The following MYOM1 variants were observed in gnomAD, a reference collection of about 807,000 sequenced individuals.
MYOM1 encodes myomesin-1.
A neutral mutation model predicts 205.3 loss-of-function variants in MYOM1; 164 were observed. The ratio of observed to expected loss-of-function variants is 0.80; its 90% CI spans 0.70 to 0.91. MYOM1 has a LOEUF of 0.91. Among genes scored for constraint, MYOM1 ranks in the 40% least tolerant of loss-of-function variants. The probability of loss-of-function intolerance (pLI) is 0.00; values close to 1 mark genes in which losing one functional copy is unlikely to be tolerated. For missense variants in MYOM1, 2,011 were observed against 2,127.3 expected (o/e 0.95, Z 1.08); for synonymous variants, 772 against 789.4 (o/e 0.98, Z 0.37).
rs550722080 is a variant in MYOM1, at chr18:3,161,091, CCTGGTGATTTGG to C, written c.1501+3175_1501+3186del. Among the ~76,000 whole-genome samples the C allele has an allele frequency of 8.9e-4, 136 of 152,276 alleles. 1 individual carries two copies. The South Asian group carries it at 0.023, about 26-fold the overall frequency. On this transcript the variant is annotated intron_variant, in intron 10 of 37. Coordinates refer to ENST00000356443, the MANE Select transcript of MYOM1 (RefSeq NM_003803.4). Reference sequence around the variant, plus strand: ...TTCATCCTCATCTAGCCAGGTTGATCCTGGTGATTTGGCTAAATGAACGCACTTGCTAATTGC... The same window carrying C: ...TTCATCCTCATCTAGCCAGGTTGATCCTAAATGAACGCACTTGCTAATTGC...
intron 37 of MYOM1, among the ~76,000 whole-genome samples, chr18:3,068,695 A>G (rs1458446480): frequency 6.6e-6 from 1 of 152,186 alleles, no homozygotes; most frequent in Non-Finnish European, 1.5e-5. Flanking sequence ...GATTCATCCA[A>G]GATGCTGCAT....
At chr18:3,086,758 T>A (rs192660612) in intron 29 of MYOM1, among the ~76,000 whole-genome samples, 3 of 152,218 alleles carry the variant, frequency 2.0e-5, no homozygotes. Context: ...GAGTTTCATC[T>A]ACAATGCTTG....
intron 5 of MYOM1, among the ~76,000 whole-genome samples, chr18:3,184,216 C>CTTT (rs929383348): frequency 6.6e-6 from 1 of 152,022 alleles, no homozygotes; most frequent in Non-Finnish European, 1.5e-5. Flanking sequence ...CAGTTAATGA[C>CTTT]TTTTTAAAAA....
intron 25 of MYOM1, among the ~76,000 whole-genome samples, chr18:3,098,207 T>G (rs2079330195): frequency 6.6e-6 from 1 of 152,222 alleles, no homozygotes. Flanking sequence ...GTTCATATTT[T>G]TCCTGAATAG....
intron 21 of MYOM1, among the ~76,000 whole-genome samples, chr18:3,114,036 T>G (rs1233713783): frequency 6.6e-6 from 1 of 152,250 alleles, no homozygotes; most frequent in Non-Finnish European, 1.5e-5. Context: ...GAACTTTAAC[T>G]TAGTTATAGG....
intron 21 of MYOM1, among the ~76,000 whole-genome samples, chr18:3,115,077 T>C (rs982303398): frequency 3.9e-5 from 6 of 152,080 alleles, no homozygotes; most frequent in Non-Finnish European, 1.5e-5. Flanking sequence ...ATCCCAGCCA[T>C]ATACACCCAC....
chr18:3,152,762 A>G lies in MYOM1; in HGVS notation c.1644-869T>C, dbSNP rs1308162579. Among the ~76,000 whole-genome samples, 1 of 152,136 alleles carries G rather than the reference A, an allele frequency of 6.6e-6. No homozygotes were observed. Among genetic ancestry groups the G allele is most frequent in the Non-Finnish European group, 1.5e-5 (1 of 68,030 alleles). ...CATGGGCTCTATGTCCAAAATGTGT[A>G]ATTCCCAAATGATTCTCAGGGGCGT... On this transcript the variant is annotated intron_variant, in intron 11 of 37. Transcript: ENST00000356443. This position sits in a 1 kb window ranked among gnomAD's most constrained non-coding sequence, Gnocchi z 4.3.
intron 14 of MYOM1, among the ~76,000 whole-genome samples, chr18:3,140,986 T>G (rs1248787619): frequency 6.6e-6 from 1 of 152,204 alleles, no homozygotes; most frequent in Admixed American, 6.5e-5. Flanking sequence ...TAAACTTATT[T>G]TCTTTCATTT....
rs150321474 is a variant in MYOM1, at chr18:3,215,179, G to A, written c.45C>T (p.Leu15=). 9.2e-5 allele frequency: 149 copies of A among 1,613,354 alleles called. No homozygotes were observed. The African/African-American group carries it at 1.7e-3, about 19-fold the overall frequency. The stretch of plus-strand genomic sequence containing the variant: ...TGCGCACGTCCTTGTTGCGGTAGCT[G>A]AGATCATAGTGCTGGTGGCACCTCT... ...FYQRCHQHYD[L]SYRNKDVRST... Residue 15 remains leucine, a synonymous_variant, in exon 2 of 38, where the codon CTC becomes CTT. Transcript: ENST00000356443.
rs749399014 is a variant in MYOM1, at chr18:3,126,715, C to A, written c.2977G>T (p.Glu993Ter). ...CACGTGCTTACCTTGTATGCCTCCT[C>A]ACTGACAGCCTTGACATTGGCTTCT... Reference protein sequence around the residue: ...WREANVKAVSEEAYKISNLKE... With the variant: ...WREANVKAVS The change falls in exon 19 of 38, where the codon GAG becomes TAG. Residue 993 changes from glutamate to a stop codon, truncating the protein, a stop_gained. Coordinates refer to ENST00000356443, the MANE Select transcript of MYOM1 (RefSeq NM_003803.4). LOFTEE classifies it high-confidence loss of function. 6.2e-7 allele frequency: 1 copy of A among 1,613,064 alleles called. No homozygotes were observed. Among genetic ancestry groups the A allele is most frequent in the Non-Finnish European group, 8.5e-7 (1 of 1,179,334 alleles).
chr18:3,228,509 T>C, the MYOM1 span, among the ~76,000 whole-genome samples: 9 of 151,110 alleles, frequency 6.0e-5, no homozygotes, highest in South Asian at 1.2e-3. The surrounding 1 kb of genome is among the most constrained non-coding windows in gnomAD (Gnocchi z 4.5). Context: ...AAAAATCATA[T>C]GGTTTTTTTT....
chr18:3,194,474 A>G (rs1438108996), intron 2 of MYOM1, among the ~76,000 whole-genome samples: 1 of 152,246 alleles, frequency 6.6e-6, no homozygotes, highest in Non-Finnish European at 1.5e-5. Context: ...TAGAGTTAAC[A>G]TATTTTATGG....
intron 27 of MYOM1, among the ~76,000 whole-genome samples, chr18:3,089,922 T>C (rs553906782): frequency 6.6e-6 from 1 of 152,220 alleles, no homozygotes; most frequent in African/African-American, 2.4e-5. Flanking sequence ...CCAGTTACAA[T>C]GTATGATTAG....
Position 3,149,453 on chromosome 18 carries a change from T to C in MYOM1, c.1844-252A>G, listed in dbSNP as rs1317645377. On this transcript the variant is annotated intron_variant, in intron 12 of 37. Transcript: ENST00000356443. ...GGCTGAGTAGATGTTTCTGGAACTG[T>C]ACTTGCACAAGCTAGGTAAGTAACC... Among the ~76,000 whole-genome samples, 5 of 152,342 alleles carry C rather than the reference T, an allele frequency of 3.3e-5. No individual in the cohort carries two copies. The South Asian group carries it at 8.3e-4, about 25-fold the overall frequency.
chr18:3,132,118 G>GTGTATATATATATATATATATA (rs369243798), intron 16 of MYOM1, among the ~76,000 whole-genome samples: 1 of 143,460 alleles, frequency 7.0e-6, no homozygotes, highest in African/African-American at 2.6e-5. Context: ...ATATGTGTGT[G>GTGTATATATATATATATATATA]TATATATATA....
At chr18:3,226,853 G>C in the MYOM1 span, among the ~76,000 whole-genome samples, 1 of 152,320 alleles carries the variant, frequency 6.6e-6, no homozygotes, top group African/African-American at 2.4e-5. This position sits in a 1 kb window ranked among gnomAD's most constrained non-coding sequence, Gnocchi z 4.6. Context: ...GGACTCCTTA[G>C]AGATGGGAAA....
intron 5 of MYOM1, among the ~76,000 whole-genome samples, chr18:3,181,410 C>T (rs939985519): frequency 3.3e-5 from 5 of 152,104 alleles, no homozygotes; most frequent in Non-Finnish European, 5.9e-5. Flanking sequence ...AAGTAAAACT[C>T]CAAATCCTTA....
chr18:3,194,606 A>G (rs1487040237), intron 2 of MYOM1, among the ~76,000 whole-genome samples: 1 of 152,256 alleles, frequency 6.6e-6, no homozygotes, highest in Non-Finnish European at 1.5e-5. Context: ...GTGTTCTAAT[A>G]AACCAAAAAA....
In MYOM1 at chr18:3,168,865, T is replaced by C; in HGVS notation, c.1291A>G (p.Thr431Ala). The change falls in exon 9 of 38, where the codon ACT becomes GCT. Residue 431 changes from threonine (T) to alanine (A), a missense_variant. By Grantham distance (58) the Thr-to-Ala change is moderately conservative. Transcript: ENST00000356443. ...GGCTGGAAATGTTTAATTTCAGGAG[T>C]GATGACAACACGACAGCCTAGACTC... ...TMSLGCRVVI[T>A]PEIKHFQPEI... The C allele has an allele frequency of 6.2e-7, 1 of 1,613,750 alleles. No homozygotes were observed. Among genetic ancestry groups the C allele is most frequent in the Non-Finnish European group, 8.5e-7 (1 of 1,179,852 alleles).
Sources: allele counts gnomAD v4.1 joint callset (sites outside exome capture counted in the v4.1 genomes callset), GRCh38; gene constraint gnomAD v4.1.1; non-coding constraint Gnocchi (gnomAD v3.1); transcripts MANE v1.5; gene names NCBI Gene and HGNC (gene_info 2026-07-23, HGNC 2026-07-21).